The following BICD1 variants were observed in gnomAD, a reference collection of about 807,000 sequenced individuals.
BICD1 encodes the protein protein bicaudal D homolog 1.
In BICD1, 35 loss-of-function variants were observed where a neutral mutation model predicts 92.5. The ratio of observed to expected loss-of-function variants is 0.38; its 90% CI spans 0.29 to 0.50. BICD1 has a LOEUF of 0.50. BICD1 is among the 20% of genes least tolerant of loss of function. BICD1 has a pLI of 0.93. For synonymous variants in BICD1, 429 were observed against 465.1 expected (o/e 0.92, Z 1.00); for missense variants, 950 against 1,189.8 (o/e 0.80, Z 2.97).
At position 32,337,054 on chromosome 12, in the gene BICD1, G is replaced by A. The variant is rs563317478; in HGVS notation, c.2253-445G>A. On this transcript the variant is annotated intron_variant, in intron 6 of 9. Coordinates refer to ENST00000652176, the MANE Select transcript of BICD1 (RefSeq NM_001714.4). The surrounding 1 kb of genome is among the most constrained non-coding windows in gnomAD (Gnocchi z 4.7). ...AGGTCTGGAGTTCAAGACCAGCCTG[G>A]CCAACATGGTGAAACCCCGTCTCTA... 3.9e-5 allele frequency among the ~76,000 whole-genome samples: 6 copies of A among 152,214 alleles called. No homozygotes were observed. The South Asian group carries it at 6.2e-4, about 16-fold the overall frequency.
At position 32,133,714 on chromosome 12, in the gene BICD1, A is replaced by G. The variant is rs1177628295; in HGVS notation, c.213+26170A>G. On this transcript the variant is annotated intron_variant, in intron 1 of 9. Coordinates refer to ENST00000652176, the MANE Select transcript of BICD1 (RefSeq NM_001714.4). ...ATTTTTATTCCTATAAAGTCAAACA[A>G]ACTAGCCATGGATACTTTTTAACAT... 3.9e-5 allele frequency among the ~76,000 whole-genome samples: 6 copies of G among 152,048 alleles called. No homozygotes were observed. The East Asian group carries it at 9.6e-4, about 24-fold the overall frequency.
chr12:32,119,637 C>A (rs1942070866), intron 1 of BICD1, among the ~76,000 whole-genome samples: 1 of 152,148 alleles, frequency 6.6e-6, no homozygotes, highest in Non-Finnish European at 1.5e-5. Context: ...TTAGGGAGAC[C>A]AAGGCAGATG....
chr12:32,373,127 C>T (rs1939802806), intron 9 of BICD1, among the ~76,000 whole-genome samples: 1 of 152,012 alleles, frequency 6.6e-6, no homozygotes, highest in African/African-American at 2.4e-5. Context: ...AATTTTATAT[C>T]TTAGTAACAG....
At chr12:32,291,704 GGT>G (rs1763447018) in intron 2 of BICD1, among the ~76,000 whole-genome samples, 1 of 151,760 alleles carries the variant, frequency 6.6e-6, no homozygotes, top group Non-Finnish European at 1.5e-5. Flanking sequence ...CAGTTGTGCT[GGT>G]GTACACCTGT....
intron 1 of BICD1, among the ~76,000 whole-genome samples, chr12:32,137,905 C>G (rs1036903011): frequency 7.2e-5 from 11 of 152,014 alleles, no homozygotes; most frequent in African/African-American, 2.7e-4. Flanking sequence ...TCAAGCGATT[C>G]TCCTGCCTCA....
chr12:32,311,455 C>T (rs1050584156), intron 4 of BICD1, among the ~76,000 whole-genome samples: 6 of 152,006 alleles, frequency 3.9e-5, no homozygotes, highest in African/African-American at 1.2e-4. Context: ...GCCGAGATCG[C>T]GCCACTGCAC....
At chr12:32,156,601 T>C (rs1943444886) in intron 1 of BICD1, among the ~76,000 whole-genome samples, 1 of 152,202 alleles carries the variant, frequency 6.6e-6, no homozygotes. Context: ...CCCCTAAAAT[T>C]CTGACATTTG....
intron 9 of BICD1, among the ~76,000 whole-genome samples, chr12:32,374,838 C>T (rs1201237897): frequency 7.6e-5 from 11 of 145,532 alleles, no homozygotes; most frequent in African/African-American, 2.5e-4. Context: ...CCGCCTGCCT[C>T]GGCCTCCCAA....
intron 1 of BICD1, among the ~76,000 whole-genome samples, chr12:32,205,104 T>C (rs1176566829): frequency 6.6e-6 from 1 of 152,220 alleles, no homozygotes; most frequent in Non-Finnish European, 1.5e-5. Flanking sequence ...AAAACTTTTT[T>C]CTTTGGTATT....
chr12:32,177,602 G>A (rs928107471), intron 1 of BICD1, among the ~76,000 whole-genome samples: 1 of 149,908 alleles, frequency 6.7e-6, no homozygotes, highest in Non-Finnish European at 1.5e-5. Context: ...ATGGTTTCGT[G>A]GCTGGAGTGG....
chr12:32,286,753 A>G (rs1204920298), intron 2 of BICD1, among the ~76,000 whole-genome samples: 2 of 152,222 alleles, frequency 1.3e-5, no homozygotes, highest in Non-Finnish European at 2.9e-5. Flanking sequence ...AATCACTTGT[A>G]TACCTGTTTT....
intron 1 of BICD1, among the ~76,000 whole-genome samples, chr12:32,191,490 C>T (rs2121530616): frequency 1.3e-5 from 2 of 151,026 alleles, no homozygotes; most frequent in South Asian, 4.2e-4. Context: ...AACGTTTTTC[C>T]CGCATGTGCT....
intron 2 of BICD1, among the ~76,000 whole-genome samples, chr12:32,218,883 T>G (rs1019926690): frequency 6.6e-6 from 1 of 152,224 alleles, no homozygotes; most frequent in African/African-American, 2.4e-5. Flanking sequence ...TATTTTGCTG[T>G]ACCTAAGAGA....
At chr12:32,143,967 G>A (rs2121390625) in intron 1 of BICD1, among the ~76,000 whole-genome samples, 1 of 152,186 alleles carries the variant, frequency 6.6e-6, no homozygotes, top group East Asian at 1.9e-4. Flanking sequence ...CATTTCAAAT[G>A]TTACCTGTCT....
chr12:32,156,898 C>T (rs1943454090), intron 1 of BICD1, among the ~76,000 whole-genome samples: 1 of 152,142 alleles, frequency 6.6e-6, no homozygotes, highest in Non-Finnish European at 1.5e-5. Flanking sequence ...TTCTCCTCTC[C>T]AAACAGGAAA....
At chr12:32,186,081 C>A (rs529443075) in intron 1 of BICD1, among the ~76,000 whole-genome samples, 6 of 152,314 alleles carry the variant, frequency 3.9e-5, no homozygotes, top group East Asian at 1.9e-4. Flanking sequence ...CCAGGAGAAC[C>A]TCACCTGGCC....
chr12:32,263,134 C>A (rs894654107), intron 2 of BICD1, among the ~76,000 whole-genome samples: 2 of 149,470 alleles, frequency 1.3e-5, no homozygotes. Context: ...GAGCCGGTCT[C>A]AAAATCAAAC....
At chr12:32,249,136 A>G (rs569262375) in intron 2 of BICD1, among the ~76,000 whole-genome samples, 1 of 152,180 alleles carries the variant, frequency 6.6e-6, no homozygotes, top group Non-Finnish European at 1.5e-5. Context: ...ACACCTGTGT[A>G]TTATACAGCA....
intron 1 of BICD1, among the ~76,000 whole-genome samples, chr12:32,163,567 C>T (rs145136847): frequency 5.9e-5 from 9 of 152,074 alleles, no homozygotes; most frequent in Admixed American, 3.9e-4. Flanking sequence ...TCACTCAAGA[C>T]TGTATTATGA....
Sources: gnomAD v4.1 joint callset for allele counts (sites outside exome capture counted in the v4.1 genomes callset) on GRCh38, gnomAD v4.1.1 for gene constraint, Gnocchi (gnomAD v3.1) non-coding constraint, MANE v1.5 for transcripts, NCBI Gene and HGNC (gene_info 2026-07-23, HGNC 2026-07-21) for gene names.